Variants in FOXN3 observed in about 807,000 individuals in gnomAD.
FOXN3 encodes the protein forkhead box N3, also known as forkhead box protein N3.
In FOXN3, 7 loss-of-function variants were observed where a neutral mutation model predicts 38.4. The ratio of observed to expected loss-of-function variants is 0.18; its 90% confidence interval spans 0.10 to 0.34. The LOEUF (loss-of-function observed/expected upper bound fraction) is 0.34. Ranked by LOEUF, FOXN3 falls within the 10% of genes least tolerant of loss-of-function variation. FOXN3 has a pLI of 1.00. For synonymous variants in FOXN3, 230 were observed against 242.2 expected (o/e 0.95, Z 0.47); for missense variants, 456 against 613.4 (o/e 0.74, Z 2.71).
At chr14:89,272,170 G>A (rs1371266275) in intron 4 of FOXN3, among the ~76,000 whole-genome samples, 2 of 152,082 alleles carry the variant, frequency 1.3e-5, no homozygotes, top group South Asian at 2.1e-4. Flanking sequence ...AAATTACCCG[G>A]GTGTGGTGGC....
intron 2 of FOXN3, among the ~76,000 whole-genome samples, chr14:89,365,610 A>T (rs1169365118): frequency 6.6e-6 from 1 of 152,236 alleles, no homozygotes; most frequent in African/African-American, 2.4e-5. Context: ...TTTAGCAAAT[A>T]AGGGTTTAAC....
At chr14:89,591,261 A>C (rs1895944713) in intron 1 of FOXN3, among the ~76,000 whole-genome samples, 2 of 152,188 alleles carry the variant, frequency 1.3e-5, no homozygotes, top group Admixed American at 1.3e-4. Flanking sequence ...AAGAGATGAG[A>C]CATCAGACTG....
intron 2 of FOXN3, among the ~76,000 whole-genome samples, chr14:89,381,980 C>CTG (rs1429456237): frequency 2.6e-5 from 4 of 152,090 alleles, no homozygotes; most frequent in African/African-American, 9.7e-5. Flanking sequence ...ACACATCTGC[C>CTG]TGTCAATTGA....
intron 1 of FOXN3, among the ~76,000 whole-genome samples, chr14:89,457,024 A>G (rs529999170): frequency 6.6e-6 from 1 of 152,330 alleles, no homozygotes; most frequent in East Asian, 1.9e-4. Flanking sequence ...ACCGTTATTA[A>G]TGATTCAGAC....
intron 4 of FOXN3, among the ~76,000 whole-genome samples, chr14:89,199,676 G>T (rs1888185707): frequency 6.6e-6 from 1 of 152,202 alleles, no homozygotes; most frequent in South Asian, 2.1e-4. Context: ...GCCAAGGCAG[G>T]TGGATCACTT....
chr14:89,566,373 TAGCATTGTC>T (rs1895351256), intron 1 of FOXN3, among the ~76,000 whole-genome samples: 1 of 152,258 alleles, frequency 6.6e-6, no homozygotes, highest in African/African-American at 2.4e-5. Flanking sequence ...GGTAGAAATT[TAGCATTGTC>T]AGCATTTAAT....
chr14:89,572,542 C>T (rs1336569210), intron 1 of FOXN3, among the ~76,000 whole-genome samples: 36 of 152,208 alleles, frequency 2.4e-4, no homozygotes, highest in Admixed American at 2.3e-3. Context: ...CATTCAATTG[C>T]CTCATTCAAC....
rs146243569 is a variant in FOXN3 at position 89,523,911 on chromosome 14, C to T, written c.-15+95117G>A. Reference sequence around the variant, plus strand: ...CTGAGTAGGTGGGATTACAGGTGTGCGCCACCATGCCCAGCTAATTTTTGT... The same window carrying T: ...CTGAGTAGGTGGGATTACAGGTGTGTGCCACCATGCCCAGCTAATTTTTGT... On this transcript the variant is annotated intron_variant, in intron 1 of 6. Coordinates refer to the FOXN3 transcript ENST00000345097. Among the ~76,000 whole-genome samples, 550 of 151,824 alleles carry T rather than the reference C, an allele frequency of 3.6e-3. 4 individuals are homozygous for T. The highest frequency in any genetic ancestry group is 0.011 in the African/African-American group (476 of 41,462).
intron 2 of FOXN3, among the ~76,000 whole-genome samples, chr14:89,396,892 T>TTC (rs1555351456): frequency 6.6e-6 from 1 of 151,456 alleles, no homozygotes; most frequent in Non-Finnish European, 1.5e-5. Flanking sequence ...TTTTTTTTTT[T>TTC]CCTTATTTGT....
Position 89,496,890 on chromosome 14 carries a change from G to A in FOXN3, c.-14-84400C>T, listed in dbSNP as rs141660378. Among the ~76,000 whole-genome samples, 821 of 152,206 alleles carry A rather than the reference G, an allele frequency of 5.4e-3. 5 individuals are homozygous for A. The highest frequency in any genetic ancestry group is 0.019 in the African/African-American group (792 of 41,518). ...GGAACCACGGAATATTTGCCTTTTT[G>A]TGACTGGCTTATTTCACTCAGTGTA... is the stretch of plus-strand genomic sequence containing the variant. On this transcript the variant is annotated intron_variant, in intron 1 of 6. Transcript: ENST00000345097.
chr14:89,227,737 T>C (rs534798925), intron 4 of FOXN3, among the ~76,000 whole-genome samples: 92 of 152,260 alleles, frequency 6.0e-4, no homozygotes, highest in Middle Eastern at 3.4e-3. Flanking sequence ...GAAGGCTCCG[T>C]CTTAGCAGAC....
chr14:89,169,148 C>T (rs978595603), intron 5 of FOXN3, among the ~76,000 whole-genome samples: 1 of 152,084 alleles, frequency 6.6e-6, no homozygotes, highest in Non-Finnish European at 1.5e-5. Context: ...ATGATCAGTA[C>T]AGAAAATGTA....
At chr14:89,511,682 A>G (rs1894095845) in intron 1 of FOXN3, among the ~76,000 whole-genome samples, 1 of 152,112 alleles carries the variant, frequency 6.6e-6, no homozygotes, top group East Asian at 1.9e-4. Flanking sequence ...TATGAAGAGT[A>G]TTGTATTAGT....
At chr14:89,615,115 G>A (rs143731095) in intron 1 of FOXN3, among the ~76,000 whole-genome samples, 2 of 28,060 alleles carry the variant, frequency 7.1e-5, no homozygotes, top group African/African-American at 8.7e-5. Flanking sequence ...CCCCAATTTC[G>A]ATTTTTTTTT....
At chr14:89,604,861 A>T (rs78510175) in intron 1 of FOXN3, among the ~76,000 whole-genome samples, 3,694 of 152,336 alleles carry the variant, frequency 0.024, 52 homozygotes, top group African/African-American at 0.034. Context: ...CAGCAGTGGA[A>T]GTCAGAAAAC....
intron 1 of FOXN3, among the ~76,000 whole-genome samples, chr14:89,611,421 G>T (rs1330312201): frequency 6.6e-6 from 1 of 152,168 alleles, no homozygotes; most frequent in African/African-American, 2.4e-5. Context: ...ATAATCTTTG[G>T]GTAATTCTGG....
chr14:89,325,356 CACCACT>C (rs1555418116), intron 3 of FOXN3, among the ~76,000 whole-genome samples: 3 of 91,796 alleles, frequency 3.3e-5, no homozygotes, highest in Admixed American at 1.3e-4. Flanking sequence ...CCACCACCAC[CACCACT>C]ACCACCACCG....
chr14:89,449,879 C>T (rs1892580628), intron 1 of FOXN3, among the ~76,000 whole-genome samples: 2 of 152,138 alleles, frequency 1.3e-5, no homozygotes, highest in Admixed American at 6.5e-5. Context: ...TTTAAAGAAA[C>T]CCAGTTGGTC....
At chr14:89,456,753 C>A (rs1429660474) in intron 1 of FOXN3, among the ~76,000 whole-genome samples, 1 of 151,974 alleles carries the variant, frequency 6.6e-6, no homozygotes, top group Non-Finnish European at 1.5e-5. Context: ...GAAACGCTGT[C>A]GCAAATAAAA....
Sources: allele counts gnomAD v4.1 joint callset (sites outside exome capture counted in the v4.1 genomes callset), GRCh38; gene constraint gnomAD v4.1.1; transcripts MANE v1.5; gene names NCBI Gene and HGNC (gene_info 2026-07-23, HGNC 2026-07-21).